PARPBP: variants seen among roughly 807,000 people sequenced by gnomAD.
PARPBP encodes PARP1 binding protein.
In PARPBP, 52 loss-of-function variants were observed where a neutral mutation model predicts 50.0. That is an observed-to-expected ratio of 1.04 (90% CI 0.83 to 1.31). PARPBP has a LOEUF of 1.31. Among genes scored for constraint, PARPBP ranks in the 50% most tolerant of loss-of-function variants. The pLI is 0.00. For synonymous variants in PARPBP, 244 were observed against 232.1 expected (o/e 1.05, Z -0.47); for missense variants, 697 against 672.0 (o/e 1.04, Z -0.41).
At chr12:102,184,788 C>G (rs979911966) in intron 9 of PARPBP, among the ~76,000 whole-genome samples, 5 of 152,070 alleles carry the variant, frequency 3.3e-5, no homozygotes, top group African/African-American at 1.2e-4. Flanking sequence ...GAACCATAGC[C>G]ATGTAGAGTA....
rs1471061205 is a variant in PARPBP at position 102,175,473 on chromosome 12, C to T, written c.822-10C>T. On this transcript the variant is annotated splice_polypyrimidine_tract_variant and intron_variant, in intron 6 of 10. Coordinates refer to ENST00000327680, the MANE Select transcript of PARPBP (RefSeq NM_017915.5). The stretch of plus-strand genomic sequence containing the variant: ...TACTGCTATAGAGGCAATCTAATTT[C>T]TATTTTCAGCATTGCAGGGGGTCAA... The T allele has an allele frequency of 6.2e-7, 1 of 1,600,396 alleles. No homozygotes were observed. The highest frequency in any genetic ancestry group is 8.5e-7 in the Non-Finnish European group (1 of 1,170,030).
chr12:102,122,413 CA>C (rs1407392722), intron 1 of PARPBP, among the ~76,000 whole-genome samples: 2 of 151,972 alleles, frequency 1.3e-5, no homozygotes, highest in Non-Finnish European at 2.9e-5. Flanking sequence ...TTATACAAAC[CA>C]AAGTAAACAT....
intron 1 of PARPBP, among the ~76,000 whole-genome samples, chr12:102,123,226 A>G (rs2136979601): frequency 6.6e-6 from 1 of 152,352 alleles, no homozygotes; most frequent in African/African-American, 2.4e-5. Context: ...GTTTGTATGA[A>G]CAGTTTAGCA....
At chr12:102,134,314 A>G (rs766369716) in intron 2 of PARPBP, among the ~76,000 whole-genome samples, 1 of 152,058 alleles carries the variant, frequency 6.6e-6, no homozygotes, top group Non-Finnish European at 1.5e-5. Flanking sequence ...ATAAAAGACT[A>G]CTATGAACAA....
At chr12:102,171,682 C>T (rs1173424999) in intron 6 of PARPBP, among the ~76,000 whole-genome samples, 1 of 151,916 alleles carries the variant, frequency 6.6e-6, no homozygotes. Context: ...CTGGCTAACA[C>T]GGTGAAACCC....
intron 2 of PARPBP, among the ~76,000 whole-genome samples, chr12:102,141,423 T>C (rs540033148): frequency 6.6e-6 from 1 of 152,238 alleles, no homozygotes; most frequent in East Asian, 1.9e-4. Context: ...CACTGATGGG[T>C]CTTGACTCTT....
At chr12:102,195,655 T>G (rs947878825) in intron 10 of PARPBP, among the ~76,000 whole-genome samples, 3 of 151,778 alleles carry the variant, frequency 2.0e-5, no homozygotes, top group Non-Finnish European at 4.4e-5. Flanking sequence ...TAAATGTATT[T>G]AAGAAGTAAT....
At position 102,195,454 on chromosome 12, in the gene PARPBP, G is replaced by T; in HGVS notation, c.1399+7G>T. ...ATGGAAAATGACCTTTCTGGTAATT[G>T]ACCTTATTTGTGCAATTAAATAACA... is the stretch of plus-strand genomic sequence containing the variant. On this transcript the variant is annotated splice_region_variant and intron_variant, in intron 10 of 10. Coordinates refer to ENST00000327680, the MANE Select transcript of PARPBP (RefSeq NM_017915.5). The T allele has an allele frequency of 6.4e-7, 1 of 1,572,418 alleles. No individual in the cohort carries two copies. Among genetic ancestry groups the T allele is most frequent in the South Asian group, 1.2e-5 (1 of 85,102 alleles).
intron 5 of PARPBP, among the ~76,000 whole-genome samples, chr12:102,165,016 G>A (rs571516527): frequency 6.6e-6 from 1 of 152,262 alleles, no homozygotes; most frequent in African/African-American, 2.4e-5. Context: ...TCTGCTTGTA[G>A]CAAATTAAGC....
In PARPBP at chr12:102,153,926, C is replaced by G. The variant is rs779976676; in HGVS notation, c.445C>G (p.Leu149Val). Residue 149 changes from leucine (L) to valine (V), a missense_variant, in exon 4 of 11, where the codon CTT (leucine) becomes GTT (valine). By Grantham distance (32) the Leu-to-Val change is conservative. Transcript: ENST00000327680. ...GTATGCAGTAGGTGATGAAACTGAT[C>G]TTTCTATACCAACATCACCAACAAG... ...KQYAVGDETD[L>V]SIPTSPTSKY... 1.1e-5 allele frequency: 18 copies of G among 1,610,860 alleles called. No homozygotes were observed. Among genetic ancestry groups the G allele is most frequent in the Non-Finnish European group, 1.5e-5 (18 of 1,177,158 alleles).
At chr12:102,165,170 T>C (rs1888011344) in intron 5 of PARPBP, among the ~76,000 whole-genome samples, 1 of 152,248 alleles carries the variant, frequency 6.6e-6, no homozygotes, top group African/African-American at 2.4e-5. Flanking sequence ...AGCTATCACA[T>C]ATGTATTTTT....
At chr12:102,150,476 A>C in intron 3 of PARPBP, 1 of 336,994 alleles carries the variant, frequency 3.0e-6, no homozygotes, top group South Asian at 2.2e-5. Context: ...GAAATAAGGT[A>C]GGGATTATGA....
At chr12:102,148,979 A>C (rs1885824522) in intron 3 of PARPBP, 1 of 152,230 alleles carries the variant, frequency 6.6e-6, no homozygotes, top group Non-Finnish European at 1.5e-5. Context: ...GTATAAATGT[A>C]AAAATTAAAT....
At chr12:102,175,963 A>T (rs916287802) in intron 7 of PARPBP, among the ~76,000 whole-genome samples, 11 of 151,656 alleles carry the variant, frequency 7.3e-5, no homozygotes, top group Admixed American at 1.3e-4. Flanking sequence ...AAGGTGTTTT[A>T]TGCTATTTTT....
intron 4 of PARPBP, among the ~76,000 whole-genome samples, chr12:102,157,767 A>G (rs913501081): frequency 6.6e-5 from 10 of 152,112 alleles, no homozygotes; most frequent in Non-Finnish European, 1.5e-4. Flanking sequence ...CCTTTTATCT[A>G]ATGGTTTTAA....
chr12:102,168,990 A>G (rs1483953690), intron 6 of PARPBP, among the ~76,000 whole-genome samples: 2 of 152,120 alleles, frequency 1.3e-5, no homozygotes, highest in Non-Finnish European at 2.9e-5. Context: ...ATATTTCTCA[A>G]TAGACAGTAA....
intron 9 of PARPBP, among the ~76,000 whole-genome samples, chr12:102,190,348 G>A (rs796073650): frequency 1.3e-5 from 2 of 152,146 alleles, no homozygotes; most frequent in East Asian, 3.9e-4. Context: ...CCTAGGCACT[G>A]GAGATACATC....
chr12:102,189,356 C>T (rs1169621348), intron 9 of PARPBP, among the ~76,000 whole-genome samples: 2 of 152,194 alleles, frequency 1.3e-5, no homozygotes, highest in Non-Finnish European at 2.9e-5. Flanking sequence ...CAGTGCTCTC[C>T]AGTAGAACTT....
chr12:102,186,394 A>G (rs1299206776), intron 9 of PARPBP, among the ~76,000 whole-genome samples: 1 of 151,902 alleles, frequency 6.6e-6, no homozygotes, highest in East Asian at 1.9e-4. Flanking sequence ...TTCTAGTCCC[A>G]TAAGATGCAT....
Sources: gnomAD v4.1 joint callset for allele counts (sites outside exome capture counted in the v4.1 genomes callset) on GRCh38, gnomAD v4.1.1 for gene constraint, MANE v1.5 for transcripts, NCBI Gene and HGNC (gene_info 2026-07-23, HGNC 2026-07-21) for gene names.